Variants in EPS15 observed in about 807,000 individuals in gnomAD.
EPS15 encodes the protein epidermal growth factor receptor pathway substrate 15.
In EPS15, 72 loss-of-function variants were observed where a neutral mutation model predicts 113.8. That is an observed-to-expected ratio of 0.63 (90% CI 0.52 to 0.77). The LOEUF is 0.77. EPS15 is among the 30% of genes least tolerant of loss of function. EPS15 has a pLI of 0.00. For missense variants in EPS15, 1,048 were observed against 1,045.8 expected (o/e 1.00, Z -0.03); for synonymous variants, 344 against 363.4 (o/e 0.95, Z 0.61).
chr1:51,377,830 T>C (rs768442529), intron 21 of EPS15, among the ~76,000 whole-genome samples: 42 of 151,860 alleles, frequency 2.8e-4, no homozygotes, highest in Non-Finnish European at 4.6e-4. Context: ...CAGCCACCAA[T>C]ATCGAGGCAA....
intron 24 of EPS15, among the ~76,000 whole-genome samples, chr1:51,358,996 G>A (rs1433346000): frequency 3.3e-5 from 5 of 150,414 alleles, no homozygotes; most frequent in Admixed American, 1.3e-4. Context: ...GAGCCACCCC[G>A]TCTGGCCCCA....
rs1477664021 is a variant in EPS15, at chr1:51,366,025, T to C, written c.2124A>G (p.Thr708=). 2 of 1,610,880 alleles carry C rather than the reference T, an allele frequency of 1.2e-6. No homozygotes were observed. The highest frequency in any genetic ancestry group is 1.1e-5 in the South Asian group (1 of 90,740). The stretch of plus-strand genomic sequence containing the variant: ...TCCCAAAAACAGAAGCAAAGGGGTC[T>C]GTGGCTAAAATGAATAAAGAAAATA... The part of the protein sequence containing the change: ...GTVVAASDSA[T]DPFASVFGNE... The change falls in exon 22 of 25, where the codon ACA becomes ACG. Residue 708 remains threonine, a synonymous_variant. Coordinates refer to ENST00000371733, the MANE Select transcript of EPS15 (RefSeq NM_001981.3).
intron 21 of EPS15, among the ~76,000 whole-genome samples, chr1:51,366,610 T>C (rs949538441): frequency 6.6e-6 from 1 of 152,212 alleles, no homozygotes; most frequent in Non-Finnish European, 1.5e-5. Context: ...AGATGATTTA[T>C]AGGTAAGGCT....
Position 51,444,875 on chromosome 1 carries a change from T to C in EPS15, c.954+14A>G, listed in dbSNP as rs1020640376. ...GAAATTAATACATTCAGGTTTCCTT[T>C]TAAGCTTTCTTACCTTTTGTAAACT... On this transcript the variant is annotated intron_variant, in intron 11 of 24. Transcript: ENST00000371733. 6.2e-7 allele frequency: 1 copy of C among 1,608,928 alleles called. No homozygotes were observed.
chr1:51,363,984 G>T lies in EPS15; in HGVS notation c.2241C>A (p.Val747=). Residue 747 remains valine (V), a synonymous_variant, in exon 23 of 25, where the codon GTC becomes GTA. Coordinates refer to ENST00000371733, the MANE Select transcript of EPS15 (RefSeq NM_001981.3). Reference sequence around the variant, plus strand: ...CATTTTTTGTAATCACTACGTTGCTGACAGAGCTCGATGTGGCTGAACGAA... The same window carrying T: ...CATTTTTTGTAATCACTACGTTGCTTACAGAGCTCGATGTGGCTGAACGAA... ...DPFRSATSSS[V]SNVVITKNVF... 6.2e-7 allele frequency: 1 copy of T among 1,613,542 alleles called. No individual in the cohort carries two copies. Among genetic ancestry groups the T allele is most frequent in the Non-Finnish European group, 8.5e-7 (1 of 1,179,716 alleles).
intron 1 of EPS15, among the ~76,000 whole-genome samples, chr1:51,485,794 T>C (rs1428822376): frequency 6.6e-6 from 1 of 152,160 alleles, no homozygotes; most frequent in East Asian, 1.9e-4. Context: ...ATTTTAGAAG[T>C]TCCATCGAGG....
chr1:51,476,441 G>A (rs1173038673), intron 2 of EPS15, among the ~76,000 whole-genome samples: 4 of 152,034 alleles, frequency 2.6e-5, no homozygotes, highest in African/African-American at 7.2e-5. Context: ...TGTATGTGTT[G>A]AGGAATTTAC....
At chr1:51,367,461 G>A (rs918306336) in intron 21 of EPS15, among the ~76,000 whole-genome samples, 2 of 152,166 alleles carry the variant, frequency 1.3e-5, no homozygotes, top group African/African-American at 4.8e-5. Flanking sequence ...GCTGAGGCAG[G>A]AGAATCGCTT....
chr1:51,519,246 G>A lies in EPS15; in HGVS notation c.-15C>T. On this transcript the variant is annotated 5_prime_UTR_variant, in exon 1 of 25. Transcript: ENST00000371733. ...GCCGCAGCCATGGTGTTTCCATCAT[G>A]CAAGGGAGGGGAAGGAAGACGGGCT... 3 of 1,307,306 alleles carry A rather than the reference G, an allele frequency of 2.3e-6. No homozygotes were observed. Among genetic ancestry groups the A allele is most frequent in the Non-Finnish European group, 2.0e-6 (2 of 1,010,172 alleles). The allele number at this position is 1,307,306 out of a possible 1,614,324, so 81.0% of individuals were successfully genotyped here. A position where few individuals can be genotyped will look rare whatever the true frequency, so the allele number is the denominator to read the frequency against.
At chr1:51,378,145 C>T (rs1014448295) in intron 21 of EPS15, among the ~76,000 whole-genome samples, 60 of 152,068 alleles carry the variant, frequency 3.9e-4, no homozygotes, top group African/African-American at 1.4e-3. Flanking sequence ...GATTCACCCA[C>T]CCCGGCCTCC....
At position 51,444,954 on chromosome 1, in the gene EPS15, T is replaced by C. The variant is rs940288116; in HGVS notation, c.889A>G (p.Ile297Val). 6.8e-6 allele frequency: 11 copies of C among 1,613,912 alleles called. No individual in the cohort carries two copies. The highest frequency in any genetic ancestry group is 1.3e-5 in the African/African-American group (1 of 74,934). ...HLISQKLIKGIDPPHVLTPEM... is the reference protein window; with the variant it reads ...HLISQKLIKGVDPPHVLTPEM... ...GGAGTAAGAACGTGAGGAGGATCAA[T>C]GCCCTTGATTAACTTCTGACTGATT... Residue 297 changes from isoleucine (I) to valine (V), a missense_variant, in exon 11 of 25, where the codon ATT becomes GTT. Ile to Val is a conservative substitution (Grantham distance 29). Transcript: ENST00000371733.
chr1:51,360,878 C>A (rs571685880), intron 24 of EPS15, among the ~76,000 whole-genome samples: 1 of 152,130 alleles, frequency 6.6e-6, no homozygotes, highest in South Asian at 2.1e-4. Context: ...TAACCATCCA[C>A]AAAATAATAA....
At chr1:51,426,635 C>T (rs770146622) in intron 12 of EPS15, among the ~76,000 whole-genome samples, 2 of 151,426 alleles carry the variant, frequency 1.3e-5, no homozygotes, top group Non-Finnish European at 2.9e-5. Context: ...AGACCACATC[C>T]AATCACTTGA....
In EPS15 at chr1:51,399,270, G is replaced by A. The variant is rs186369365; in HGVS notation, c.1919-105C>T. 9 of 1,071,024 alleles carry A rather than the reference G, an allele frequency of 8.4e-6. No individual in the cohort carries two copies. In the African/African-American group the frequency reaches 9.4e-5, roughly 11 times the overall value. The allele number at this position is 1,071,024 out of a possible 1,614,324, so 66.3% of individuals were successfully genotyped here. A position where few individuals can be genotyped will look rare whatever the true frequency, so the allele number is the denominator to read the frequency against. Reference sequence around the variant, plus strand: ...TGCCTTAATTAAAAGACAGTCTGGGGCCAGGTGCAGTGGCTCACGTCTGCA... The same window carrying A: ...TGCCTTAATTAAAAGACAGTCTGGGACCAGGTGCAGTGGCTCACGTCTGCA... On this transcript the variant is annotated intron_variant, in intron 19 of 24. Coordinates refer to ENST00000371733, the MANE Select transcript of EPS15 (RefSeq NM_001981.3).
chr1:51,481,036 G>A (rs1270167564), intron 2 of EPS15, among the ~76,000 whole-genome samples: 1 of 152,174 alleles, frequency 6.6e-6, no homozygotes, highest in Non-Finnish European at 1.5e-5. Context: ...TCTATCAAAT[G>A]TATACATTTT....
chr1:51,364,085 T>A (rs1447327831), intron 22 of EPS15, 57 bp from the exon 23 acceptor site: 1 of 1,308,594 alleles, frequency 7.6e-7, no homozygotes, highest in Non-Finnish European at 1.1e-6. Context: ...GTGGTAGTCA[T>A]GTAGCATTCA....
chr1:51,396,893 T>A (rs559949118), intron 20 of EPS15, among the ~76,000 whole-genome samples: 65 of 151,996 alleles, frequency 4.3e-4, no homozygotes, highest in African/African-American at 6.8e-4. Flanking sequence ...TTTTTTTTTT[T>A]AAATTGAGAC....
chr1:51,499,679 T>C (rs1218806201), intron 1 of EPS15, among the ~76,000 whole-genome samples: 2 of 151,890 alleles, frequency 1.3e-5, no homozygotes. Flanking sequence ...ATAATTTGCA[T>C]TTCCCTAATG....
intron 1 of EPS15, among the ~76,000 whole-genome samples, chr1:51,509,173 G>A (rs1033675344): frequency 5.9e-5 from 9 of 152,070 alleles, no homozygotes; most frequent in African/African-American, 2.2e-4. Context: ...TGACACACAG[G>A]AGGCATCTAG....
Sources: gnomAD v4.1 joint callset for allele counts (sites outside exome capture counted in the v4.1 genomes callset) on GRCh38, gnomAD v4.1.1 for gene constraint, MANE v1.5 for transcripts, NCBI Gene and HGNC (gene_info 2026-07-23, HGNC 2026-07-21) for gene names.